Variants in FAM83E observed in about 807,000 individuals in gnomAD.
The protein encoded by FAM83E is scaffolding CK1 anchoring protein E.
Under a neutral mutation model 34.3 loss-of-function variants are expected in FAM83E, and 29 were observed. The ratio of observed to expected loss-of-function variants is 0.85; its 90% CI spans 0.63 to 1.15. The LOEUF is 1.15. FAM83E is among the 50% of genes most tolerant of loss of function. The pLI is 0.00. For synonymous variants in FAM83E, 312 were observed against 311.6 expected, an observed-to-expected ratio of 1.00 and a Z score of -0.01; for missense variants, 697 against 685.0, an observed-to-expected ratio of 1.02 and a Z score of -0.20.
At position 48,613,259 on chromosome 19, in the gene FAM83E, C is replaced by G; in HGVS notation, c.114G>C (p.Leu38=). The G allele has an allele frequency of 6.2e-7, 1 of 1,609,888 alleles. No individual in the cohort carries two copies. Among genetic ancestry groups the G allele is most frequent in the Non-Finnish European group, 8.5e-7 (1 of 1,179,814 alleles). The change falls in exon 3 of 7, where the codon CTG becomes CTC. Residue 38 remains leucine (L), a synonymous_variant. Transcript: ENST00000263266. ...GGAACGCCTCCGCGCCCTTGCTCAA[C>G]AGAGCCTCCAGTGCCAGCCGCTGGC... is the stretch of plus-strand genomic sequence containing the variant. The part of the protein sequence containing the change: ...SEGQRLALEA[L]LSKGAEAFQT...
chr19:48,600,845 G>T lies in FAM83E; in HGVS notation c.*264C>A, dbSNP rs1338542106. 1.1e-5 allele frequency: 5 copies of T among 474,426 alleles called. No homozygotes were observed. Among genetic ancestry groups the T allele is most frequent in the African/African-American group, 1.0e-4 (5 of 48,726 alleles). The allele number at this position is 474,426 out of a possible 1,614,324, so 29.4% of individuals were successfully genotyped here. A position where few individuals can be genotyped will look rare whatever the true frequency, so the allele number is the denominator to read the frequency against. ...TTGTTTTTTTAATTGTAGAGATGGG[G>T]TCTCACTATGTTGCCCAGGCTGGTC... On this transcript the variant is annotated 3_prime_UTR_variant, in exon 7 of 7. Coordinates refer to ENST00000263266, the MANE Select transcript of FAM83E (RefSeq NM_017708.4).
At chr19:48,607,222 G>A (rs776576146) in intron 5 of FAM83E, 49 of 1,612,600 alleles carry the variant, frequency 3.0e-5, no homozygotes, top group Middle Eastern at 1.6e-4. Flanking sequence ...CTACAGGGGC[G>A]TCACCTACAG....
intron 3 of FAM83E, among the ~76,000 whole-genome samples, chr19:48,612,353 C>T (rs1316394228): frequency 3.3e-5 from 5 of 150,682 alleles, no homozygotes; most frequent in African/African-American, 7.3e-5. Flanking sequence ...CAAGGGGCAT[C>T]GATACCTAAG....
At position 48,612,960 on chromosome 19, in the gene FAM83E, C is replaced by T. The variant is rs769834447; in HGVS notation, c.413G>A (p.Gly138Asp). 1.3e-6 allele frequency: 2 copies of T among 1,597,102 alleles called. No individual in the cohort carries two copies. The highest frequency in any genetic ancestry group is 1.1e-5 in the South Asian group (1 of 88,800). ...AQLYTQPPGE[G>D]QPPLKELVRL... ...CACCAGCTCCTTGAGGGGCGGCTGACCCTCTCCAGGAGGCTGGGTGTACAG... is the reference window on the plus strand; with the variant it reads ...CACCAGCTCCTTGAGGGGCGGCTGATCCTCTCCAGGAGGCTGGGTGTACAG... Residue 138 changes from glycine (G) to aspartate (D), a missense_variant, in exon 3 of 7, where the codon GGT becomes GAT. Physicochemically the swap from Gly to Asp is moderately conservative, Grantham distance 94. Coordinates refer to ENST00000263266, the MANE Select transcript of FAM83E (RefSeq NM_017708.4).
At chr19:48,614,654 C>A (rs1350617919) in intron 2 of FAM83E, 27 bp from the exon 3 acceptor site, 1 of 986,048 alleles carries the variant, frequency 1.0e-6, no homozygotes, top group African/African-American at 1.7e-5. Flanking sequence ...GGAGTCAAGG[C>A]AGGCCAGCCT....
chr19:48,607,192 G>T (rs143774083), intron 5 of FAM83E: 2 of 1,613,246 alleles, frequency 1.2e-6, no homozygotes, highest in Non-Finnish European at 1.7e-6. Context: ...CACCAGCTGC[G>T]GCCTTGAGGA....
chr19:48,612,071 C>T (rs1448356548), intron 3 of FAM83E, among the ~76,000 whole-genome samples: 2 of 152,184 alleles, frequency 1.3e-5, no homozygotes, highest in Non-Finnish European at 2.9e-5. Context: ...CCCACTCGGC[C>T]ACTTACAGGG....
At position 48,615,063 on chromosome 19, in the gene FAM83E, A is replaced by C. The variant is rs1974128488; in HGVS notation, c.-1514T>G. 6.6e-6 allele frequency among the ~76,000 whole-genome samples: 1 copy of C among 152,116 alleles called. No homozygotes were observed. The highest frequency in any genetic ancestry group is 1.5e-5 in the Non-Finnish European group (1 of 68,006). ...ACAGCCCTGCCAGCCTGCACCCTGC[A>C]CTTCCCGGTCCACGCCCCACCCGCC... On this transcript the variant is annotated 5_prime_UTR_variant, in exon 1 of 7. Coordinates refer to ENST00000263266, the MANE Select transcript of FAM83E (RefSeq NM_017708.4).
chr19:48,606,986 T>A, intron 5 of FAM83E: 1 of 1,606,790 alleles, frequency 6.2e-7, no homozygotes, highest in Non-Finnish European at 8.5e-7. Context: ...GCCATGGTCC[T>A]GTGCTGGCTG....
chr19:48,612,148 A>T (rs1048944891), intron 3 of FAM83E, among the ~76,000 whole-genome samples: 1 of 152,182 alleles, frequency 6.6e-6, no homozygotes, highest in African/African-American at 2.4e-5. Context: ...GGGTTCCGGG[A>T]CGATGATGCA....
In FAM83E at chr19:48,603,802, G is replaced by T. The variant is rs1279455291; in HGVS notation, c.868C>A (p.Pro290Thr). 1.2e-6 allele frequency: 2 copies of T among 1,600,914 alleles called. No individual in the cohort carries two copies. Among genetic ancestry groups the T allele is most frequent in the Non-Finnish European group, 1.7e-6 (2 of 1,174,556 alleles). The change falls in exon 6 of 7, where the codon CCG becomes ACG. Residue 290 changes from proline (P) to threonine (T), a missense_variant. Transcript: ENST00000263266. The stretch of plus-strand genomic sequence containing the variant: ...TTCTGGGGGGGCGCAGGTGGGAGCG[G>T]GCAGGAGGCCGCGTACAGCGTCCGG... ...EFRTLYAASC[P>T]LPPAPPQKPS...
At chr19:48,604,077 G>A (rs1050877139) in intron 5 of FAM83E, among the ~76,000 whole-genome samples, 166 bp from the exon 6 acceptor site, 12 of 152,078 alleles carry the variant, frequency 7.9e-5, no homozygotes, top group African/African-American at 1.7e-4. Flanking sequence ...GTACCTACTC[G>A]GGAGGGGTGG....
chr19:48,613,300 A>G lies in FAM83E; in HGVS notation c.73T>C (p.Phe25Leu). 2 of 1,604,552 alleles carry G rather than the reference A, an allele frequency of 1.2e-6. No homozygotes were observed. The highest frequency in any genetic ancestry group is 1.7e-6 in the Non-Finnish European group (2 of 1,177,662). Residue 25 changes from phenylalanine (F) to leucine (L), a missense_variant, in exon 3 of 7, where the codon TTT becomes CTT. Physicochemically the swap from Phe to Leu is conservative, Grantham distance 22. Coordinates refer to ENST00000263266, the MANE Select transcript of FAM83E (RefSeq NM_017708.4). ...GPRVPGASPG[F>L]LYSEGQRLAL... The stretch of plus-strand genomic sequence containing the variant: ...AGCCGCTGGCCCTCGGAATATAGAA[A>G]GCCGGGGCTGGCCCCGGGCACCCTG...
chr19:48,606,581 G>C (rs988460998), intron 5 of FAM83E, among the ~76,000 whole-genome samples: 1 of 152,194 alleles, frequency 6.6e-6, no homozygotes, highest in Non-Finnish European at 1.5e-5. Context: ...CGTCCTCTGG[G>C]TTCAGGGCGT....
chr19:48,602,704 A>AATATATATATATATAT (rs71294394), intron 6 of FAM83E, among the ~76,000 whole-genome samples: 6 of 27,490 alleles, frequency 2.2e-4, no homozygotes, highest in Non-Finnish European at 3.7e-4. Context: ...AAAAAAAAAA[A>AATATATATATATATAT]ATATATATAT....
rs891675693 is a variant in FAM83E, at chr19:48,607,135, G to T, written c.758+2741C>A. 7 of 1,612,820 alleles carry T rather than the reference G, an allele frequency of 4.3e-6. No homozygotes were observed. Among genetic ancestry groups the T allele is most frequent in the Non-Finnish European group, 5.9e-6 (7 of 1,180,022 alleles). Reference sequence around the variant, plus strand: ...CGAGGACTGCTTCACAGGCCACGGGGTCGCCCCGGGCACTGGTCCGGTCAT... The same window carrying T: ...CGAGGACTGCTTCACAGGCCACGGGTTCGCCCCGGGCACTGGTCCGGTCAT... On this transcript the variant is annotated intron_variant, in intron 5 of 6. Coordinates refer to ENST00000263266, the MANE Select transcript of FAM83E (RefSeq NM_017708.4).
chr19:48,607,394 C>T (rs745881533), intron 5 of FAM83E: 29 of 1,530,480 alleles, frequency 1.9e-5, no homozygotes, highest in African/African-American at 2.7e-5. Context: ...CTCCCAGATC[C>T]GCCACTCCCC....
chr19:48,610,165 G>A (rs566611348), intron 4 of FAM83E, among the ~76,000 whole-genome samples, 165 bp from the exon 5 acceptor site: 14 of 152,106 alleles, frequency 9.2e-5, no homozygotes, highest in Non-Finnish European at 1.6e-4. Flanking sequence ...TTGGGAGGCC[G>A]AGGCGGGTGG....
rs762722737 is a variant in FAM83E, at chr19:48,601,113, G to A, written c.1433C>T (p.Pro478Leu). 3.1e-6 allele frequency: 5 copies of A among 1,610,586 alleles called. No homozygotes were observed. The highest frequency in any genetic ancestry group is 4.2e-6 in the Non-Finnish European group (5 of 1,178,868). Residue 478 changes from proline to leucine, a missense_variant, in exon 7 of 7, where the codon CCC (proline) becomes CTC (leucine). By Grantham distance (98) the Pro-to-Leu change is moderately conservative. Transcript: ENST00000263266. ...AGATTTGGCTTGGGCTCCTGTTCAG[G>A]GTTGCCCCCCAAGTCCTGCCCGGGG... ...WAPRAGLGGQP is the reference protein window; with the variant it reads ...WAPRAGLGGQL
Sources: gnomAD v4.1 joint callset for allele counts (sites outside exome capture counted in the v4.1 genomes callset) on GRCh38, gnomAD v4.1.1 for gene constraint, MANE v1.5 for transcripts, NCBI Gene and HGNC (gene_info 2026-07-23, HGNC 2026-07-21) for gene names.